ZNF385D: variants seen among roughly 807,000 people sequenced by gnomAD.
ZNF385D encodes the protein zinc finger protein 385D, also known as zinc finger protein 659.
A neutral mutation model predicts 35.8 loss-of-function variants in ZNF385D; 15 were observed. That is an observed-to-expected ratio of 0.42 (90% CI 0.28 to 0.64). The LOEUF is 0.64. Ranked by LOEUF, ZNF385D falls within the 30% of genes least tolerant of loss-of-function variation. ZNF385D has a pLI of 0.23. For missense variants in ZNF385D, 474 were observed against 494.6 expected (o/e 0.96, Z 0.39); for synonymous variants, 212 against 186.8 (o/e 1.13, Z -1.10).
chr3:21,536,331 A>C (rs1465903229), intron 3 of ZNF385D, among the ~76,000 whole-genome samples: 1 of 152,106 alleles, frequency 6.6e-6, no homozygotes, highest in Non-Finnish European at 1.5e-5. Flanking sequence ...AAATGGAGTA[A>C]GTTCACAGGA....
At chr3:21,949,503 G>A (rs929254800) in intron 3 of ZNF385D, among the ~76,000 whole-genome samples, 1 of 147,506 alleles carries the variant, frequency 6.8e-6, no homozygotes, top group Non-Finnish European at 1.5e-5. Context: ...TGCTTTCTGA[G>A]TTCGGCCTTC....
At chr3:22,270,445 C>A (rs1321488779) in intron 2 of ZNF385D, among the ~76,000 whole-genome samples, 2 of 151,984 alleles carry the variant, frequency 1.3e-5, no homozygotes, top group Non-Finnish European at 2.9e-5. Flanking sequence ...CTCAATTATT[C>A]TTTTTCTTTT....
At chr3:21,926,177 C>A (rs1378331968) in intron 3 of ZNF385D, among the ~76,000 whole-genome samples, 1 of 151,970 alleles carries the variant, frequency 6.6e-6, no homozygotes, top group Non-Finnish European at 1.5e-5. Context: ...AGTACATGTG[C>A]AGATTTTGCA....
chr3:21,734,087 C>T (rs545204215), intron 1 of ZNF385D, among the ~76,000 whole-genome samples: 1 of 152,202 alleles, frequency 6.6e-6, no homozygotes, highest in South Asian at 2.1e-4. Context: ...ATTATAGTAT[C>T]ACTCTGCCTA....
chr3:21,885,459 A>T (rs1698491949), intron 3 of ZNF385D, among the ~76,000 whole-genome samples: 1 of 152,100 alleles, frequency 6.6e-6, no homozygotes, highest in Admixed American at 6.6e-5. Context: ...GTTTACGTAG[A>T]TTTTATGACA....
chr3:22,080,078 T>G (rs1410993860), intron 3 of ZNF385D, among the ~76,000 whole-genome samples: 1 of 152,152 alleles, frequency 6.6e-6, no homozygotes, highest in Non-Finnish European at 1.5e-5. Context: ...CACAAAATGT[T>G]CAGGGATCGT....
chr3:22,328,448 T>C (rs1694775387), intron 2 of ZNF385D, among the ~76,000 whole-genome samples: 1 of 152,144 alleles, frequency 6.6e-6, no homozygotes, highest in Non-Finnish European at 1.5e-5. Flanking sequence ...TTATTACTTT[T>C]ACCTAACTTT....
intron 2 of ZNF385D, among the ~76,000 whole-genome samples, chr3:22,285,345 A>T (rs1336695257): frequency 3.3e-5 from 5 of 152,132 alleles, no homozygotes; most frequent in Admixed American, 3.3e-4. Flanking sequence ...AGTTTGACTA[A>T]GTAGAAAGAT....
chr3:22,178,347 A>AT (rs1215384488), intron 2 of ZNF385D, among the ~76,000 whole-genome samples: 1 of 152,128 alleles, frequency 6.6e-6, no homozygotes, highest in African/African-American at 2.4e-5. Context: ...GATGATAAGC[A>AT]TTTTTTCATG....
At chr3:21,842,350 G>A (rs1341292446) in intron 3 of ZNF385D, among the ~76,000 whole-genome samples, 2 of 151,924 alleles carry the variant, frequency 1.3e-5, no homozygotes, top group Non-Finnish European at 2.9e-5. Context: ...AAGGGAAGGA[G>A]AATGAATTTT....
At chr3:21,793,739 C>T (rs181009160) in intron 3 of ZNF385D, among the ~76,000 whole-genome samples, 1 of 152,020 alleles carries the variant, frequency 6.6e-6, no homozygotes, top group Non-Finnish European at 1.5e-5. Flanking sequence ...CACTCACTGC[C>T]CAGTGAAAGA....
chr3:21,980,798 T>C (rs923157155), intron 3 of ZNF385D, among the ~76,000 whole-genome samples: 31 of 152,186 alleles, frequency 2.0e-4, no homozygotes, highest in African/African-American at 7.5e-4. Flanking sequence ...CTCCCACTTA[T>C]AAGTGAGAAC....
intron 1 of ZNF385D, among the ~76,000 whole-genome samples, chr3:21,695,087 C>G (rs1218633477): frequency 6.6e-6 from 1 of 152,016 alleles, no homozygotes; most frequent in Admixed American, 6.6e-5. Flanking sequence ...ATGTGAAGTG[C>G]CTGAAACATA....
At chr3:21,669,755 G>A (rs1216498584) in intron 1 of ZNF385D, among the ~76,000 whole-genome samples, 1 of 152,150 alleles carries the variant, frequency 6.6e-6, no homozygotes, top group African/African-American at 2.4e-5. Context: ...AACTTCCAAA[G>A]CAGCTACTTA....
chr3:22,235,175 G>C (rs940568527), intron 2 of ZNF385D, among the ~76,000 whole-genome samples: 3 of 151,896 alleles, frequency 2.0e-5, no homozygotes, highest in Non-Finnish European at 4.4e-5. Flanking sequence ...TATGAATCTG[G>C]AATTTTACCC....
chr3:22,021,090 T>C (rs185543332), intron 3 of ZNF385D, among the ~76,000 whole-genome samples: 110 of 151,800 alleles, frequency 7.2e-4, no homozygotes, highest in Middle Eastern at 3.4e-3. Context: ...GAGAGTGAAA[T>C]GATAGGCAGA....
chr3:21,650,507 C>T (rs970838027), intron 2 of ZNF385D, among the ~76,000 whole-genome samples: 4 of 151,884 alleles, frequency 2.6e-5, no homozygotes. Context: ...TTTTATTAGC[C>T]AAGAATTTCT....
chr3:22,110,348 T>G (rs1049357142), intron 3 of ZNF385D, among the ~76,000 whole-genome samples: 1 of 152,122 alleles, frequency 6.6e-6, no homozygotes, highest in African/African-American at 2.4e-5. Flanking sequence ...CATATGTTTA[T>G]TGCGGCACTA....
intron 3 of ZNF385D, among the ~76,000 whole-genome samples, chr3:22,079,536 A>G (rs1345089927): frequency 6.6e-6 from 1 of 152,008 alleles, no homozygotes; most frequent in Non-Finnish European, 1.5e-5. Context: ...GTAGATGATT[A>G]GGACAAAACA....
Sources: gnomAD v4.1 joint callset for allele counts (sites outside exome capture counted in the v4.1 genomes callset) on GRCh38, gnomAD v4.1.1 for gene constraint, MANE v1.5 for transcripts, NCBI Gene and HGNC (gene_info 2026-07-23, HGNC 2026-07-21) for gene names.